Variants in EPHA6 observed in about 807,000 individuals in gnomAD.
EPHA6 encodes the protein EPH receptor A6.
EPHA6 carries 50 observed loss-of-function variants against 112.0 expected under a neutral mutation model. That is an observed-to-expected ratio of 0.45 (90% CI 0.36 to 0.56). The LOEUF (loss-of-function observed/expected upper bound fraction) is 0.56, where lower values mean the gene tolerates loss of function less well. EPHA6 is among the 20% of genes least tolerant of loss of function. The probability of loss-of-function intolerance (pLI) is 0.00; values close to 1 mark genes in which losing one functional copy is unlikely to be tolerated. For missense variants in EPHA6, 1,280 were observed against 1,417.4 expected, an observed-to-expected ratio of 0.90 and a Z score of 1.56; for synonymous variants, 529 against 490.7, an observed-to-expected ratio of 1.08 and a Z score of -1.03.
intron 3 of EPHA6, among the ~76,000 whole-genome samples, chr3:97,159,171 C>T (rs1410593521): frequency 6.6e-6 from 1 of 152,108 alleles, no homozygotes; most frequent in Non-Finnish European, 1.5e-5. Flanking sequence ...CTAAGAGACA[C>T]CCTAAAGAAT....
At chr3:97,357,510 T>C (rs903851105) in intron 5 of EPHA6, among the ~76,000 whole-genome samples, 1 of 152,184 alleles carries the variant, frequency 6.6e-6, no homozygotes, top group African/African-American at 2.4e-5. Flanking sequence ...CTAGACAATG[T>C]ATAGTTGGTC....
intron 5 of EPHA6, among the ~76,000 whole-genome samples, chr3:97,251,192 T>C (rs1308308563): frequency 6.6e-6 from 1 of 152,010 alleles, no homozygotes; most frequent in African/African-American, 2.4e-5. Context: ...AAAAGCCTCT[T>C]TGAAGTAAAT....
intron 10 of EPHA6, among the ~76,000 whole-genome samples, chr3:97,488,216 A>G (rs986723394): frequency 8.5e-5 from 13 of 152,272 alleles, no homozygotes; most frequent in Admixed American, 7.2e-4. Context: ...CCCTTTATCT[A>G]TATGAAACTC....
chr3:97,270,025 C>A (rs1324954586), intron 5 of EPHA6, among the ~76,000 whole-genome samples: 1 of 152,038 alleles, frequency 6.6e-6, no homozygotes, highest in East Asian at 1.9e-4. Context: ...GTTTGTAGAT[C>A]TTTAAAATCA....
intron 13 of EPHA6, among the ~76,000 whole-genome samples, chr3:97,622,033 C>A (rs1368016583): frequency 6.6e-6 from 1 of 151,762 alleles, no homozygotes; most frequent in Non-Finnish European, 1.5e-5. Flanking sequence ...TCAAGGATTT[C>A]TTTTCAATTT....
rs1223195432 is a variant in EPHA6 at position 97,589,238 on chromosome 3, A to T, written c.2387-3374A>T. Among the ~76,000 whole-genome samples, 5 of 151,540 alleles carry T rather than the reference A, an allele frequency of 3.3e-5. No homozygotes were observed. In the East Asian group the frequency reaches 9.7e-4, roughly 29 times the overall value. On this transcript the variant is annotated intron_variant, in intron 11 of 17. Transcript: ENST00000389672. The stretch of plus-strand genomic sequence containing the variant: ...TGTGGCCCAAGACAATTCTTCTTCT[A>T]ATGTGCCCCATAGTAGCCAAAAGAT...
chr3:97,665,784 G>A (rs911737295), intron 14 of EPHA6, among the ~76,000 whole-genome samples: 12 of 152,286 alleles, frequency 7.9e-5, no homozygotes, highest in South Asian at 4.1e-4. Context: ...TTGGCCAGGC[G>A]CGGTGGGTCA....
intron 3 of EPHA6, chr3:96,994,280 T>C: frequency 3.0e-6 from 1 of 338,376 alleles, no homozygotes. Flanking sequence ...TCAGCTGATA[T>C]TTCATAACTT....
chr3:97,245,713 A>G (rs1364883186), intron 5 of EPHA6, among the ~76,000 whole-genome samples: 2 of 151,876 alleles, frequency 1.3e-5, no homozygotes, highest in African/African-American at 2.4e-5. Context: ...CAGGGCTTAG[A>G]GATTTGGAGG....
At chr3:97,553,065 A>C (rs1289055601) in intron 11 of EPHA6, among the ~76,000 whole-genome samples, 1 of 152,110 alleles carries the variant, frequency 6.6e-6, no homozygotes, top group Non-Finnish European at 1.5e-5. Context: ...TGCCCCTACC[A>C]CAACCCATTC....
intron 3 of EPHA6, among the ~76,000 whole-genome samples, chr3:97,004,917 G>T (rs2043817690): frequency 4.6e-5 from 7 of 152,220 alleles, no homozygotes; most frequent in Non-Finnish European, 8.8e-5. Flanking sequence ...AGGATCAGAT[G>T]GTTGTAGATG....
intron 7 of EPHA6, among the ~76,000 whole-genome samples, chr3:97,457,019 T>G (rs2090713681): frequency 6.6e-6 from 1 of 152,192 alleles, no homozygotes; most frequent in South Asian, 2.1e-4. Context: ...AAGTCGTATT[T>G]TAGTTGTTAG....
intron 3 of EPHA6, among the ~76,000 whole-genome samples, chr3:97,001,514 C>A (rs1325712621): frequency 6.6e-6 from 1 of 151,830 alleles, no homozygotes; most frequent in Non-Finnish European, 1.5e-5. Context: ...TTTTTCCTTC[C>A]TTTGGCATGT....
intron 5 of EPHA6, among the ~76,000 whole-genome samples, chr3:97,262,497 A>T (rs1186063526): frequency 6.6e-6 from 1 of 152,124 alleles, no homozygotes; most frequent in African/African-American, 2.4e-5. Context: ...GTAAACCTCT[A>T]CACATGCATG....
chr3:97,086,003 C>T, intron 3 of EPHA6, among the ~76,000 whole-genome samples: 1 of 148,022 alleles, frequency 6.8e-6, no homozygotes, highest in Non-Finnish European at 1.5e-5. Context: ...GGCGTGATCT[C>T]AGCTCACTGC....
chr3:97,380,478 TC>T (rs2085660622), intron 5 of EPHA6, among the ~76,000 whole-genome samples: 1 of 152,124 alleles, frequency 6.6e-6, no homozygotes. Flanking sequence ...TTACCGTGGA[TC>T]CCTTTGGGCT....
intron 2 of EPHA6, among the ~76,000 whole-genome samples, chr3:96,968,727 A>G (rs2042214770): frequency 1.3e-5 from 2 of 151,882 alleles, no homozygotes; most frequent in Admixed American, 1.3e-4. Context: ...TATTCTGTGC[A>G]ATATAATGTG....
At chr3:97,457,462 A>C (rs1473359354) in intron 7 of EPHA6, among the ~76,000 whole-genome samples, 1 of 152,190 alleles carries the variant, frequency 6.6e-6, no homozygotes, top group African/African-American at 2.4e-5. Flanking sequence ...AAAAAATCTG[A>C]GAATTGAATG....
At chr3:97,255,769 T>A (rs2079290542) in intron 5 of EPHA6, among the ~76,000 whole-genome samples, 1 of 152,148 alleles carries the variant, frequency 6.6e-6, no homozygotes, top group Non-Finnish European at 1.5e-5. Flanking sequence ...TATGTTAAAA[T>A]CTCATTAGAC....
Sources: gnomAD v4.1 joint callset for allele counts (sites outside exome capture counted in the v4.1 genomes callset) on GRCh38, gnomAD v4.1.1 for gene constraint, MANE v1.5 for transcripts, NCBI Gene and HGNC (gene_info 2026-07-23, HGNC 2026-07-21) for gene names.